Variants in POLR2F observed in about 807,000 individuals in gnomAD.
POLR2F encodes the protein RNA polymerase II, I and III subunit F.
Under a neutral mutation model 22.7 loss-of-function variants are expected in POLR2F, and 12 were observed. That is an observed-to-expected ratio of 0.53 (90% CI 0.34 to 0.86). The LOEUF is 0.86. Ranked by LOEUF, POLR2F falls within the 40% of genes least tolerant of loss-of-function variation. The pLI, the probability that POLR2F is intolerant of heterozygous loss-of-function variation, is 0.02. For missense variants in POLR2F, 126 were observed against 171.5 expected, an observed-to-expected ratio of 0.73 and a Z score of 1.48; for synonymous variants, 57 against 66.0, an observed-to-expected ratio of 0.86 and a Z score of 0.66.
At chr22:38,009,264 G>A (rs1221093839) in intron 1 of POLR2F, among the ~76,000 whole-genome samples, 1 of 152,224 alleles carries the variant, frequency 6.6e-6, no homozygotes, top group Non-Finnish European at 1.5e-5. Context: ...TTTCAGCAGA[G>A]CAGAGATGTG....
At chr22:38,012,129 T>A in intron 1 of POLR2F, among the ~76,000 whole-genome samples, 1 of 151,324 alleles carries the variant, frequency 6.6e-6, no homozygotes, top group Non-Finnish European at 1.5e-5. Flanking sequence ...TCGCCTAGGC[T>A]GGAGTGCAGT....
downstream of POLR2F, among the ~76,000 whole-genome samples, chr22:38,030,714 C>T (rs1049959331): frequency 1.3e-5 from 2 of 152,200 alleles, no homozygotes; most frequent in Non-Finnish European, 2.9e-5. Context: ...CACATCCTCA[C>T]TTCTCTGGGA....
At position 38,016,407 on chromosome 22, in the gene POLR2F, G is replaced by A. The variant is rs1025841092; in HGVS notation, c.121-9462G>A. ...CCAGGAAGTGCTGCGCTTGACACAC[G>A]CCCCCATCCGCCACCTCCCAGAGAA... On this transcript the variant is annotated intron_variant, in intron 1 of 2. Transcript: ENST00000333418. The surrounding 1 kb of genome is among the most constrained non-coding windows in gnomAD (Gnocchi z 4.4). 6.6e-6 allele frequency among the ~76,000 whole-genome samples: 1 copy of A among 152,180 alleles called. No homozygotes were observed. The highest frequency in any genetic ancestry group is 2.4e-5 in the African/African-American group (1 of 41,436).
Position 37,968,152 on chromosome 22 carries a change from C to A in POLR2F, c.*437C>A, listed in dbSNP as rs2145751788. The A allele has an allele frequency of 1.0e-6, 1 of 986,010 alleles. No homozygotes were observed. The highest frequency in any genetic ancestry group is 1.7e-5 in the African/African-American group (1 of 57,376). The allele number at this position is 986,010 out of a possible 1,614,324, so 61.1% of individuals were successfully genotyped here. ...TCACAGAGCAGGTCTCATCAAGCCA[C>A]CCATTGTTTCCTAAGGACCTGCTTC... On this transcript the variant is annotated 3_prime_UTR_variant, in exon 5 of 5. Transcript: ENST00000442738.
At chr22:37,998,141 C>T (rs942241565) in intron 1 of POLR2F, among the ~76,000 whole-genome samples, 1 of 152,194 alleles carries the variant, frequency 6.6e-6, no homozygotes, top group African/African-American at 2.4e-5. Context: ...TTGTCTAAGC[C>T]TTTCCTTCCC....
At chr22:38,039,673 A>G (rs2085152739) in intron 5 of POLR2F, among the ~76,000 whole-genome samples, 1 of 152,178 alleles carries the variant, frequency 6.6e-6, no homozygotes, top group Non-Finnish European at 1.5e-5. Context: ...CAGAGGCGCA[A>G]AGGAAGCAAA....
At chr22:38,041,278 A>G, downstream of POLR2F, 1 of 932,334 alleles carries the variant, frequency 1.1e-6, no homozygotes, top group East Asian at 2.5e-5. Flanking sequence ...GGTTTCCAGG[A>G]CACCCCTCAG....
At chr22:38,007,857 G>A (rs972546594) in intron 1 of POLR2F, among the ~76,000 whole-genome samples, 5 of 152,258 alleles carry the variant, frequency 3.3e-5, no homozygotes, top group African/African-American at 9.6e-5. Flanking sequence ...TGAGGCCTGC[G>A]CGAGTGAGTA....
intron 1 of POLR2F, among the ~76,000 whole-genome samples, chr22:38,021,867 C>T (rs1051571082): frequency 2.6e-5 from 4 of 151,340 alleles, no homozygotes; most frequent in Non-Finnish European, 5.9e-5. Context: ...CGCAGTAGCT[C>T]ACGTCTGTAA....
At chr22:38,025,305 A>T (rs535278432) in intron 1 of POLR2F, among the ~76,000 whole-genome samples, 1 of 152,228 alleles carries the variant, frequency 6.6e-6, no homozygotes, top group Admixed American at 6.5e-5. Flanking sequence ...TGCACTTGCA[A>T]TCACAGCACA....
At position 37,986,610 on chromosome 22, in the gene POLR2F, C is replaced by G. The variant is rs4821726; in HGVS notation, c.120+298C>G. 18 of 685,016 alleles carry G rather than the reference C, an allele frequency of 2.6e-5. No individual in the cohort carries two copies. The Admixed American group carries it at 2.9e-4, about 11-fold the overall frequency. 42.4% of individuals were successfully genotyped at this position (685,016 alleles called of 1,614,324 possible). Reference sequence around the variant, plus strand: ...CTAGACAGAAGGGGCCACTCCCTCTCTCTCTCCCTTGTCCCCGCACAGACA... The same window carrying G: ...CTAGACAGAAGGGGCCACTCCCTCTGTCTCTCCCTTGTCCCCGCACAGACA... On this transcript the variant is annotated intron_variant, in intron 1 of 2. Transcript: ENST00000333418. This position sits in a 1 kb window ranked among gnomAD's most constrained non-coding sequence, Gnocchi z 4.7.
At position 37,968,937 on chromosome 22, in the gene POLR2F, C is replaced by T; in HGVS notation, c.*1222C>T. 1.0e-6 allele frequency: 1 copy of T among 985,466 alleles called. No homozygotes were observed. The highest frequency in any genetic ancestry group is 1.2e-6 in the Non-Finnish European group (1 of 829,934). 61.0% of individuals were successfully genotyped at this position (985,466 alleles called of 1,614,324 possible). A position where few individuals can be genotyped will look rare whatever the true frequency, so the allele number is the denominator to read the frequency against. ...TGGACTTCACACTCCCATCCACCCT[C>T]CTCCAAGCCTGTGGAATCCTTTAAT... On this transcript the variant is annotated 3_prime_UTR_variant, in exon 5 of 5. Coordinates refer to ENST00000442738, the MANE Select transcript of POLR2F (RefSeq NM_021974.5).
chr22:37,969,423 C>A, downstream of POLR2F: 1 of 645,126 alleles, frequency 1.6e-6, no homozygotes, highest in Non-Finnish European at 1.9e-6. Flanking sequence ...CCTGTGCACA[C>A]TTGGAACCTT....
At chr22:37,955,140 C>G (rs898832578) in intron 1 of POLR2F, among the ~76,000 whole-genome samples, 2 of 148,944 alleles carry the variant, frequency 1.3e-5, no homozygotes, top group African/African-American at 2.5e-5. Flanking sequence ...CTCTTTCACA[C>G]ATTTTTGCTT....
intron 3 of POLR2F, among the ~76,000 whole-genome samples, chr22:37,966,152 C>T (rs935366189): frequency 6.6e-6 from 1 of 152,132 alleles, no homozygotes; most frequent in Non-Finnish European, 1.5e-5. Flanking sequence ...AGTCAGCACA[C>T]GATTTCCAGG....
At chr22:38,010,287 A>T (rs886643685) in intron 1 of POLR2F, among the ~76,000 whole-genome samples, 2 of 151,984 alleles carry the variant, frequency 1.3e-5, no homozygotes, top group Admixed American at 6.6e-5. Flanking sequence ...AGGTGGGAGG[A>T]TTGATTGAAC....
At chr22:37,982,591 G>A (rs938652600), upstream of POLR2F, among the ~76,000 whole-genome samples, 1 of 152,180 alleles carries the variant, frequency 6.6e-6, no homozygotes, top group African/African-American at 2.4e-5. Flanking sequence ...AGAGTGCTCA[G>A]CTCCAGCTCT....
At position 37,968,424 on chromosome 22, in the gene POLR2F, G is replaced by A. The variant is rs542173350; in HGVS notation, c.*709G>A. 3 of 985,882 alleles carry A rather than the reference G, an allele frequency of 3.0e-6. No homozygotes were observed. The East Asian group carries it at 3.4e-4, about 112-fold the overall frequency. The allele number at this position is 985,882 out of a possible 1,614,324, so 61.1% of individuals were successfully genotyped here. A position where few individuals can be genotyped will look rare whatever the true frequency, so the allele number is the denominator to read the frequency against. ...GTGCCACACCCATGCCTTCTTCCTA[G>A]CCTCTATAAGATATCCTTTCCCTCC... On this transcript the variant is annotated 3_prime_UTR_variant, in exon 5 of 5. Transcript: ENST00000442738.
intron 1 of POLR2F, among the ~76,000 whole-genome samples, chr22:37,993,150 G>C (rs1241197494): frequency 6.6e-6 from 1 of 152,178 alleles, no homozygotes; most frequent in Non-Finnish European, 1.5e-5. Flanking sequence ...GAAAAGAGCT[G>C]TCTGTAAATA....
Sources: allele counts gnomAD v4.1 joint callset (sites outside exome capture counted in the v4.1 genomes callset), GRCh38; gene constraint gnomAD v4.1.1; non-coding constraint Gnocchi (gnomAD v3.1); transcripts MANE v1.5; gene names NCBI Gene and HGNC (gene_info 2026-07-23, HGNC 2026-07-21).